KIR2DL1: variants seen among roughly 807,000 people sequenced by gnomAD.
The protein encoded by KIR2DL1 is killer cell immunoglobulin-like receptor 2DL1.
KIR2DL1 carries 38 observed loss-of-function variants against 33.9 expected under a neutral mutation model. That is an observed-to-expected ratio of 1.12 (90% confidence interval 0.86 to 1.47). The LOEUF is 1.47. KIR2DL1 is among the 40% of genes most tolerant of loss of function. KIR2DL1 has a pLI of 0.00. For synonymous variants in KIR2DL1, 179 were observed against 165.9 expected (o/e 1.08, Z -0.61); for missense variants, 531 against 433.9 (o/e 1.22, Z -1.99).
chr19:54,780,621 C>A (rs1291772532), intron 5 of KIR2DL1, among the ~76,000 whole-genome samples: 3 of 135,064 alleles, frequency 2.2e-5, no homozygotes, highest in African/African-American at 5.5e-5. Flanking sequence ...TCTAGGAGAC[C>A]GTGGAAAAGG....
rs1365517758 is a variant in KIR2DL1, at chr19:54,774,538, G to A, written c.371-627G>A. On this transcript the variant is annotated intron_variant, in intron 3 of 7. Coordinates refer to ENST00000336077, the MANE Select transcript of KIR2DL1 (RefSeq NM_014218.3). Reference sequence around the variant, plus strand: ...ATAGATATAGATAGATGATAAATAGGTAGATGATAGATAATAGGTTATAGA... The same window carrying A: ...ATAGATATAGATAGATGATAAATAGATAGATGATAGATAATAGGTTATAGA... 1.4e-4 allele frequency among the ~76,000 whole-genome samples: 21 copies of A among 148,260 alleles called. 2 individuals carry two copies. Among genetic ancestry groups the A allele is most frequent in the Admixed American group, 3.4e-4 (5 of 14,610 alleles).
chr19:54,778,788 C>T, intron 5 of KIR2DL1, 126 bp downstream of exon 5: 1 of 1,179,460 alleles, frequency 8.5e-7, no homozygotes, highest in Non-Finnish European at 1.2e-6. Context: ...TCTCCGAACT[C>T]CAGATACTCC....
chr19:54,775,442 G>A lies in KIR2DL1; in HGVS notation c.648G>A (p.Leu216=). Residue 216 remains leucine (L), a synonymous_variant, in exon 4 of 8, where the codon CTG becomes CTA. Coordinates refer to ENST00000336077, the MANE Select transcript of KIR2DL1 (RefSeq NM_014218.3). Reference sequence around the variant, plus strand: ...AGTGGTCAAAGTCAAGTGACCCACTGCTTGTTTCTGTCACAGGTGAGGAAA... The same window carrying A: ...AGTGGTCAAAGTCAAGTGACCCACTACTTGTTTCTGTCACAGGTGAGGAAA... ...PYEWSKSSDP[L]LVSVTGNPSN... The A allele has an allele frequency of 6.3e-7, 1 of 1,584,358 alleles. No homozygotes were observed. The highest frequency in any genetic ancestry group is 8.6e-7 in the Non-Finnish European group (1 of 1,156,434).
intron 5 of KIR2DL1, chr19:54,779,961 C>G (rs1242464405): frequency 2.6e-5 from 10 of 377,888 alleles, no homozygotes; most frequent in East Asian, 2.4e-4. Flanking sequence ...TGCAGTGTCA[C>G]GATCTTGGCT....
chr19:54,782,573 A>G (rs1482218069), intron 5 of KIR2DL1, among the ~76,000 whole-genome samples: 1 of 152,002 alleles, frequency 6.6e-6, no homozygotes, highest in Non-Finnish European at 1.5e-5. Flanking sequence ...TAGAGGGGGA[A>G]CTTGCTAACC....
chr19:54,773,906 G>C (rs1465998533), intron 3 of KIR2DL1, among the ~76,000 whole-genome samples: 2 of 148,440 alleles, frequency 1.3e-5, no homozygotes, highest in South Asian at 2.1e-4. Flanking sequence ...CCAGAGAGAG[G>C]TGTCCCTCCA....
intron 5 of KIR2DL1, chr19:54,780,300 C>A (rs1454000041): frequency 2.2e-6 from 1 of 450,568 alleles, no homozygotes; most frequent in Non-Finnish European, 4.0e-6. Context: ...ATGAAAAACA[C>A]GGAATGAACC....
rs759616429 is a variant in KIR2DL1, at chr19:54,773,545, G to C, written c.283G>C (p.Ala95Pro). The change falls in exon 3 of 8, where the codon GCA becomes CCA. Residue 95 changes from alanine (A) to proline (P), a missense_variant. Ala to Pro is a conservative substitution (Grantham distance 27, BLOSUM62 -1). Coordinates refer to ENST00000336077, the MANE Select transcript of KIR2DL1 (RefSeq NM_014218.3). ...FSISRMTQDL[A>P]GTYRCYGSVT... ...CATCAGTCGCATGACGCAAGACCTGGCAGGGACCTACAGATGCTACGGTTC... is the reference window on the plus strand; with the variant it reads ...CATCAGTCGCATGACGCAAGACCTGCCAGGGACCTACAGATGCTACGGTTC... The C allele has an allele frequency of 6.3e-7, 1 of 1,583,020 alleles. No individual in the cohort carries two copies. Among genetic ancestry groups the C allele is most frequent in the South Asian group, 1.1e-5 (1 of 90,212 alleles).
chr19:54,782,393 C>T (rs1023289973), intron 5 of KIR2DL1, among the ~76,000 whole-genome samples: 2 of 152,018 alleles, frequency 1.3e-5, no homozygotes, highest in Non-Finnish European at 2.9e-5. Context: ...AAGCATGGCA[C>T]CAGCATCTAT....
At position 54,774,575 on chromosome 19, in the gene KIR2DL1, T is replaced by A. The variant is rs1280552402; in HGVS notation, c.371-590T>A. On this transcript the variant is annotated intron_variant, in intron 3 of 7. Transcript: ENST00000336077. ...TAATAGGTTATAGATACATAGATGA[T>A]GATTGATTGATTCATTAATAGATGA... Among the ~76,000 whole-genome samples, 2 of 147,792 alleles carry A rather than the reference T, an allele frequency of 1.4e-5. 1 individual carries two copies. Among genetic ancestry groups the A allele is most frequent in the African/African-American group, 5.0e-5 (2 of 40,236 alleles).
intron 3 of KIR2DL1, among the ~76,000 whole-genome samples, chr19:54,773,842 C>A (rs1223893738): frequency 6.8e-6 from 1 of 148,106 alleles, no homozygotes; most frequent in South Asian, 2.1e-4. Context: ...AGGGGCCATA[C>A]CGGGAGTTAG....
At chr19:54,776,559 T>C (rs2076366304) in intron 4 of KIR2DL1, among the ~76,000 whole-genome samples, 1 of 146,606 alleles carries the variant, frequency 6.8e-6, no homozygotes. Flanking sequence ...AGTGCAGATA[T>C]CACTTCGATA....
chr19:54,773,709 C>A, intron 3 of KIR2DL1, 77 bp downstream of exon 3: 1 of 1,294,148 alleles, frequency 7.7e-7, no homozygotes, highest in South Asian at 1.3e-5. Context: ...ACCCAGGTGG[C>A]TGTAAGGAAG....
intron 1 of KIR2DL1, among the ~76,000 whole-genome samples, chr19:54,770,109 T>C (rs1295134064): frequency 7.1e-6 from 1 of 140,534 alleles, no homozygotes; most frequent in African/African-American, 2.7e-5. Flanking sequence ...AGTGGAGATC[T>C]GGGCCTGGAG....
At chr19:54,780,944 T>G (rs1466226030) in intron 5 of KIR2DL1, among the ~76,000 whole-genome samples, 1 of 81,388 alleles carries the variant, frequency 1.2e-5, no homozygotes, top group Non-Finnish European at 2.5e-5. Flanking sequence ...GAGGCCAAGG[T>G]GGGTGGATTC....
rs1193144450 is a variant in KIR2DL1, at chr19:54,773,288, A to T, written c.71-45A>T. ...ACTCAATCCAGGTGCCATGGATGGG[A>T]TGATAAAGAGAGACACCTTCTAAAC... On this transcript the variant is annotated intron_variant, in intron 2 of 7. Coordinates refer to ENST00000336077, the MANE Select transcript of KIR2DL1 (RefSeq NM_014218.3). The T allele has an allele frequency of 3.2e-6, 5 of 1,538,992 alleles. No homozygotes were observed. In the Admixed American group the frequency reaches 9.0e-5, roughly 28 times the overall value.
At chr19:54,771,396 G>C (rs2075709799) in intron 2 of KIR2DL1, among the ~76,000 whole-genome samples, 1 of 148,172 alleles carries the variant, frequency 6.7e-6, no homozygotes, top group Admixed American at 6.8e-5. Flanking sequence ...AATCTAGTAG[G>C]AGTCTCTTAC....
intron 2 of KIR2DL1, among the ~76,000 whole-genome samples, chr19:54,771,150 G>T (rs2075671706): frequency 6.7e-6 from 1 of 148,496 alleles, no homozygotes; most frequent in Non-Finnish European, 1.5e-5. Flanking sequence ...TGAGGACAAA[G>T]GTGTTACTCA....
At position 54,775,138 on chromosome 19, in the gene KIR2DL1, T is replaced by C; in HGVS notation, c.371-27T>C. 2 of 1,554,594 alleles carry C rather than the reference T, an allele frequency of 1.3e-6. 1 individual carries two copies. The highest frequency in any genetic ancestry group is 1.8e-6 in the Non-Finnish European group (2 of 1,142,480). On this transcript the variant is annotated intron_variant, in intron 3 of 7. Transcript: ENST00000336077. Reference sequence around the variant, plus strand: ...GAGCTGTGACAAAGAAGATCCTCCCTGAGGAAACTGCCTCTTCTCCTTCCA... The same window carrying C: ...GAGCTGTGACAAAGAAGATCCTCCCCGAGGAAACTGCCTCTTCTCCTTCCA...
Sources: gnomAD v4.1 joint callset for allele counts (sites outside exome capture counted in the v4.1 genomes callset) on GRCh38, gnomAD v4.1.1 for gene constraint, MANE v1.5 for transcripts, NCBI Gene and HGNC (gene_info 2026-07-23, HGNC 2026-07-21) for gene names.